CORO1C: variants seen among roughly 807,000 people sequenced by gnomAD.
CORO1C encodes the protein coronin 1C, also known as coronin-1C.
A neutral mutation model predicts 51.2 loss-of-function variants in CORO1C; 14 were observed. The observed-to-expected ratio is 0.27, with a 90% CI of 0.18 to 0.43. The LOEUF (loss-of-function observed/expected upper bound fraction) is 0.43. CORO1C is among the 20% of genes least tolerant of loss of function. CORO1C has a pLI of 1.00. For synonymous variants in CORO1C, 181 were observed against 210.5 expected (o/e 0.86, Z 1.21); for missense variants, 417 against 607.8 (o/e 0.69, Z 3.30).
intron 1 of CORO1C, among the ~76,000 whole-genome samples, chr12:108,715,741 G>C (rs2035314920): frequency 1.3e-5 from 2 of 148,290 alleles, no homozygotes; most frequent in South Asian, 4.2e-4. Context: ...TCTCTTCAAA[G>C]AGCAGAACAC....
intron 4 of CORO1C, 49 bp downstream of exon 4, chr12:108,661,980 A>T: frequency 6.2e-7 from 1 of 1,607,764 alleles, no homozygotes; most frequent in Non-Finnish European, 8.5e-7. Flanking sequence ...CCACTCAGAG[A>T]GCCACAAGAG....
At chr12:108,694,279 CAAAAAAAAAAAAAAAA>C (rs60647143) in intron 2 of CORO1C, among the ~76,000 whole-genome samples, 1 of 66,230 alleles carries the variant, frequency 1.5e-5, no homozygotes. Flanking sequence ...AAGACTGTCT[CAAAAAAAAAAAAAAAA>C]AAAAAAAAAG....
At chr12:108,662,309 G>A (rs1458083607) in intron 3 of CORO1C, 151 bp from the exon 4 acceptor site, 4 of 702,688 alleles carry the variant, frequency 5.7e-6, no homozygotes, top group Non-Finnish European at 6.9e-6. Context: ...AAATGACCGT[G>A]TTAGGCGGTT....
chr12:108,697,095 T>C (rs2034711613), intron 2 of CORO1C, among the ~76,000 whole-genome samples: 1 of 152,198 alleles, frequency 6.6e-6, no homozygotes, highest in Admixed American at 6.5e-5. Context: ...TATTTTACAT[T>C]CTCCCAGAAT....
chr12:108,658,843 G>T lies in CORO1C; in HGVS notation c.525C>A (p.Asp175Glu), dbSNP rs763221290. 6.2e-7 allele frequency: 1 copy of T among 1,613,800 alleles called. No homozygotes were observed. The highest frequency in any genetic ancestry group is 2.2e-5 in the East Asian group (1 of 44,896). ...ALINLDDMHS[D>E]MIYNVSWNRN... ...GGTTCCAGCTCACATTGTAAATCATGTCTGAATGCATATCGTCCAAGTTTA... is the reference window on the plus strand; with the variant it reads ...GGTTCCAGCTCACATTGTAAATCATTTCTGAATGCATATCGTCCAAGTTTA... The change falls in exon 5 of 11, where the codon GAC becomes GAA. Residue 175 changes from aspartate (D) to glutamate (E), a missense_variant. Coordinates refer to ENST00000261401, the MANE Select transcript of CORO1C (RefSeq NM_014325.4). The surrounding 1 kb of genome is among the most constrained non-coding windows in gnomAD (Gnocchi z 4.9).
At chr12:108,726,447 T>C (rs1227032804) in intron 1 of CORO1C, among the ~76,000 whole-genome samples, 1 of 147,864 alleles carries the variant, frequency 6.8e-6, no homozygotes, top group Non-Finnish European at 1.5e-5. Flanking sequence ...AAAATGAACA[T>C]AAGAACACAA....
chr12:108,727,282 T>C (rs2035615962), intron 1 of CORO1C, among the ~76,000 whole-genome samples: 1 of 152,206 alleles, frequency 6.6e-6, no homozygotes, highest in Non-Finnish European at 1.5e-5. Context: ...GGGACAAATG[T>C]CTGCCTGTGA....
intron 6 of CORO1C, among the ~76,000 whole-genome samples, 160 bp from the exon 7 acceptor site, chr12:108,654,570 A>G (rs1294066089): frequency 6.6e-6 from 1 of 152,214 alleles, no homozygotes; most frequent in Non-Finnish European, 1.5e-5. Context: ...TCATACATGG[A>G]AACAGCAACA....
At chr12:108,690,543 T>C (rs974101794) in intron 2 of CORO1C, among the ~76,000 whole-genome samples, 2 of 152,256 alleles carry the variant, frequency 1.3e-5, no homozygotes, top group African/African-American at 4.8e-5. Context: ...AGGGAAGTTA[T>C]TGTAAAACTA....
chr12:108,674,223 C>A (rs1233577925), intron 3 of CORO1C, among the ~76,000 whole-genome samples: 1 of 152,204 alleles, frequency 6.6e-6, no homozygotes, highest in African/African-American at 2.4e-5. Context: ...AAGGCTACAG[C>A]TACCACTGAT....
chr12:108,702,805 G>A (rs757863204), intron 1 of CORO1C: 74 of 1,529,132 alleles, frequency 4.8e-5, no homozygotes, highest in Middle Eastern at 1.7e-4. Flanking sequence ...CCCTTCCAAC[G>A]CATGTGTGAA....
At chr12:108,706,201 A>C (rs2035027017) in intron 1 of CORO1C, among the ~76,000 whole-genome samples, 1 of 151,700 alleles carries the variant, frequency 6.6e-6, no homozygotes, top group Non-Finnish European at 1.5e-5. Flanking sequence ...AAAAACAAAA[A>C]AAACAAAAAA....
Position 108,696,705 on chromosome 12 carries a change from C to T in CORO1C, c.195+4419G>A, listed in dbSNP as rs190344172. On this transcript the variant is annotated intron_variant, in intron 2 of 10. Coordinates refer to ENST00000261401, the MANE Select transcript of CORO1C (RefSeq NM_014325.4). Reference sequence around the variant, plus strand: ...CAGCAAGACTGCTATTATTCATCCTCTGAAGGACTAAAGAATAAGTAAATG... The same window carrying T: ...CAGCAAGACTGCTATTATTCATCCTTTGAAGGACTAAAGAATAAGTAAATG... Among the ~76,000 whole-genome samples the T allele has an allele frequency of 3.3e-5, 5 of 152,350 alleles. No individual in the cohort carries two copies. The East Asian group carries it at 5.8e-4, about 18-fold the overall frequency.
chr12:108,692,610 A>G (rs1435376871), intron 2 of CORO1C, among the ~76,000 whole-genome samples: 1 of 152,216 alleles, frequency 6.6e-6, no homozygotes, highest in Non-Finnish European at 1.5e-5. Flanking sequence ...ACAAATGTGA[A>G]CTGCTGCGAT....
Position 108,647,422 on chromosome 12 carries a change from A to G in CORO1C, c.1406T>C (p.Met469Thr). 1 of 1,613,714 alleles carries G rather than the reference A, an allele frequency of 6.2e-7. No individual in the cohort carries two copies. The highest frequency in any genetic ancestry group is 8.5e-7 in the Non-Finnish European group (1 of 1,179,866). The change falls in exon 11 of 11, where the codon ATG becomes ACG. Residue 469 changes from methionine to threonine, a missense_variant. Coordinates refer to ENST00000261401, the MANE Select transcript of CORO1C (RefSeq NM_014325.4). ...DERISKLEQQ[M>T]AKIAA ...GGACCTTCAGGCTGCTATCTTTGCC[A>G]TCTGCTGTTCTAACTTGGAAATACG...
intron 6 of CORO1C, 57 bp downstream of exon 6, chr12:108,657,247 C>G: frequency 6.3e-7 from 1 of 1,584,606 alleles, no homozygotes; most frequent in South Asian, 1.1e-5. Flanking sequence ...GGAAGACCTG[C>G]TCAGAACAGA....
chr12:108,725,054 T>G (rs1434542072), intron 1 of CORO1C, among the ~76,000 whole-genome samples: 1 of 152,172 alleles, frequency 6.6e-6, no homozygotes, highest in East Asian at 1.9e-4. Flanking sequence ...TTCCTTAAAA[T>G]GGACAGACAG....
At chr12:108,655,917 T>C (rs1365296056) in intron 6 of CORO1C, among the ~76,000 whole-genome samples, 7 of 123,008 alleles carry the variant, frequency 5.7e-5, no homozygotes, top group South Asian at 3.0e-4. Context: ...CCGGCCGCCA[T>C]CCCGTCTAGG....
At chr12:108,722,447 T>G (rs755490603) in intron 1 of CORO1C, among the ~76,000 whole-genome samples, 4 of 152,182 alleles carry the variant, frequency 2.6e-5, no homozygotes, top group Non-Finnish European at 5.9e-5. Flanking sequence ...CCACACAGCC[T>G]GCACAGGGAG....
Sources: allele counts gnomAD v4.1 joint callset (sites outside exome capture counted in the v4.1 genomes callset), GRCh38; gene constraint gnomAD v4.1.1; non-coding constraint Gnocchi (gnomAD v3.1); transcripts MANE v1.5; gene names NCBI Gene and HGNC (gene_info 2026-07-23, HGNC 2026-07-21).